CHEK2: variants seen among roughly 807,000 people sequenced by gnomAD.
CHEK2 encodes serine/threonine-protein kinase Chk2.
CHEK2 carries 71 observed loss-of-function variants against 69.1 expected under a neutral mutation model. The ratio of observed to expected loss-of-function variants is 1.03; its 90% CI spans 0.85 to 1.25. CHEK2 has a LOEUF of 1.25. Ranked by LOEUF, CHEK2 falls within the 50% of genes most tolerant of loss-of-function variation. The pLI is 0.00. For missense variants in CHEK2, 664 were observed against 649.6 expected (o/e 1.02, Z -0.24); for synonymous variants, 189 against 226.9 (o/e 0.83, Z 1.50).
chr22:28,720,748 G>T (rs1446646717), intron 4 of CHEK2, among the ~76,000 whole-genome samples: 1 of 152,194 alleles, frequency 6.6e-6, no homozygotes, highest in East Asian at 1.9e-4. Context: ...AGGCACAAGT[G>T]TCCCTCTATG....
intron 5 of CHEK2, among the ~76,000 whole-genome samples, chr22:28,714,306 C>A (rs987433192): frequency 6.6e-6 from 1 of 152,084 alleles, no homozygotes; most frequent in Non-Finnish European, 1.5e-5. Flanking sequence ...TTTGTATTGC[C>A]CTAATGACTA....
intron 5 of CHEK2, 48 bp downstream of exon 5, chr22:28,719,347 A>G: frequency 9.8e-7 from 1 of 1,024,368 alleles, no homozygotes; most frequent in South Asian, 1.5e-5. Context: ...ACCAATCACA[A>G]ATGTATAGTG....
chr22:28,694,837 C>T (rs1184521153), intron 12 of CHEK2, among the ~76,000 whole-genome samples: 1 of 152,160 alleles, frequency 6.6e-6, no homozygotes, highest in African/African-American at 2.4e-5. Context: ...ACTTAACCCT[C>T]ACAAAAACCT....
intron 13 of CHEK2, 121 bp downstream of exon 13, chr22:28,693,911 A>T: frequency 1.3e-6 from 1 of 764,366 alleles, no homozygotes; most frequent in Non-Finnish European, 2.3e-6. Flanking sequence ...CCCCCCATAC[A>T]TCTAAAACAA....
Position 28,741,782 on chromosome 22 carries a change from C to A in CHEK2, c.-20G>T. The A allele has an allele frequency of 2.1e-6, 1 of 471,646 alleles. No individual in the cohort carries two copies. 29.2% of individuals were successfully genotyped at this position (471,646 alleles called of 1,614,324 possible). A position where few individuals can be genotyped will look rare whatever the true frequency, so the allele number is the denominator to read the frequency against. ...CATATGACTCACCGCGTGAGCCCAC[C>A]TGGAGCCGCACACTCTCCGCAGCCT... On this transcript the variant is annotated 5_prime_UTR_variant, in exon 1 of 15. It adds an upstream start codon to the 5' untranslated region. Transcript: ENST00000404276.
intron 2 of CHEK2, chr22:28,727,953 C>G (rs1272110446): frequency 6.6e-6 from 1 of 152,100 alleles, no homozygotes; most frequent in African/African-American, 2.4e-5. Flanking sequence ...CTAGGGAGGA[C>G]AATTTAGCAA....
chr22:28,733,301 TA>T (rs2054272266), intron 2 of CHEK2, among the ~76,000 whole-genome samples: 10 of 152,196 alleles, frequency 6.6e-5, no homozygotes, highest in African/African-American at 2.4e-4. Flanking sequence ...AGAGGTTAAC[TA>T]GTGAAGCTTT....
At chr22:28,693,523 C>T (rs1296846824) in intron 13 of CHEK2, among the ~76,000 whole-genome samples, 5 of 152,130 alleles carry the variant, frequency 3.3e-5, no homozygotes, top group Admixed American at 6.5e-5. Context: ...GAGCAGTGGA[C>T]ATGGCTGGGG....
intron 9 of CHEK2, among the ~76,000 whole-genome samples, chr22:28,698,228 T>TACAAAAAAAAAAAAAAA (rs1893223070): frequency 1.2e-5 from 1 of 81,900 alleles, no homozygotes; most frequent in Non-Finnish European, 2.5e-5. Flanking sequence ...CTATCTTTAC[T>TACAAAAAAAAAAAAAAA]AAAAAAAAAA....
chr22:28,699,457 C>A lies in CHEK2; in HGVS notation c.1008+381G>T, dbSNP rs191214631. Among the ~76,000 whole-genome samples the A allele has an allele frequency of 3.3e-5, 5 of 150,860 alleles. No homozygotes were observed. In the East Asian group the frequency reaches 9.8e-4, roughly 29 times the overall value. On this transcript the variant is annotated intron_variant, in intron 9 of 14. Transcript: ENST00000404276. ...CTCAGCACACTGCAACCTCCACCTC[C>A]CAGTTCAAGTGATTCTCCTGCCTCA...
intron 2 of CHEK2, among the ~76,000 whole-genome samples, chr22:28,727,125 T>A (rs1421539961): frequency 3.3e-5 from 5 of 152,124 alleles, no homozygotes; most frequent in African/African-American, 4.8e-5. Flanking sequence ...CACTGCAACC[T>A]CCACCTCCCA....
At chr22:28,730,149 G>A (rs907202882) in intron 2 of CHEK2, among the ~76,000 whole-genome samples, 5 of 147,494 alleles carry the variant, frequency 3.4e-5, no homozygotes, top group Admixed American at 7.0e-5. Context: ...ACCCCAGAAA[G>A]AACTTTTATG....
chr22:28,711,398 GA>G (rs1216255390), intron 6 of CHEK2, among the ~76,000 whole-genome samples: 1 of 151,778 alleles, frequency 6.6e-6, no homozygotes, highest in Non-Finnish European at 1.5e-5. Flanking sequence ...TTGATGACAT[GA>G]AAACTCAGTC....
chr22:28,721,591 T>C lies in CHEK2; in HGVS notation c.593-2106A>G, dbSNP rs889565441. On this transcript the variant is annotated intron_variant, in intron 4 of 14. Transcript: ENST00000404276. ...CGTGAGCCACCGCGCCCCGCCGTAT[T>C]TTTGAAAATCAGCTGAGAGAGTAGA... 54 of 463,076 alleles carry C rather than the reference T, an allele frequency of 1.2e-4. No homozygotes were observed. The Admixed American group carries it at 1.2e-3, about 11-fold the overall frequency. The allele number at this position is 463,076 out of a possible 1,614,324, so 28.7% of individuals were successfully genotyped here. A position where few individuals can be genotyped will look rare whatever the true frequency, so the allele number is the denominator to read the frequency against.
At chr22:28,733,409 T>C (rs2054275380) in intron 2 of CHEK2, among the ~76,000 whole-genome samples, 1 of 152,154 alleles carries the variant, frequency 6.6e-6, no homozygotes, top group South Asian at 2.1e-4. Context: ...GGACAGCACA[T>C]TGTAAATGTC....
chr22:28,720,817 T>C (rs1001093748), intron 4 of CHEK2, among the ~76,000 whole-genome samples: 1 of 152,232 alleles, frequency 6.6e-6, no homozygotes, highest in African/African-American at 2.4e-5. Context: ...AGAAATTTGA[T>C]TGGCTCTCAT....
At chr22:28,729,501 C>G (rs557862121) in intron 2 of CHEK2, 1 of 142,850 alleles carries the variant, frequency 7.0e-6, no homozygotes, top group Non-Finnish European at 1.5e-5. Context: ...CGAGATCACG[C>G]CACTGCACTC....
chr22:28,734,178 C>T (rs547173588), intron 2 of CHEK2, among the ~76,000 whole-genome samples: 3 of 152,236 alleles, frequency 2.0e-5, no homozygotes, highest in Non-Finnish European at 2.9e-5. Context: ...GCTCTGCAGC[C>T]ACTTGCTCAG....
intron 4 of CHEK2, among the ~76,000 whole-genome samples, chr22:28,719,844 A>C (rs6005846): frequency 0.016 from 2,415 of 152,310 alleles, 44 homozygotes; most frequent in East Asian, 0.079. Flanking sequence ...GCCCAGAATC[A>C]AAAAGCAATC....
Sources: gnomAD v4.1 joint callset for allele counts (sites outside exome capture counted in the v4.1 genomes callset) on GRCh38, gnomAD v4.1.1 for gene constraint, MANE v1.5 for transcripts, NCBI Gene and HGNC (gene_info 2026-07-23, HGNC 2026-07-21) for gene names.